OR1D2: variants seen among roughly 807,000 people sequenced by gnomAD.
OR1D2 encodes the protein olfactory receptor 1D2.
For missense variants in OR1D2, 357 were observed against 376.1 expected (o/e 0.95, Z 0.42); for synonymous variants, 157 against 153.9 (o/e 1.02, Z -0.15).
Position 3,092,565 on chromosome 17 carries a change from G to A in OR1D2, c.432C>T (p.Leu144=), listed in dbSNP as rs1427408301. 1.9e-6 allele frequency: 3 copies of A among 1,614,188 alleles called. No individual in the cohort carries two copies. Among genetic ancestry groups the A allele is most frequent in the Admixed American group, 3.3e-5 (2 of 60,024 alleles). ...CGGATAGGACCCAACACAAGGAAAG[G>A]AGTAAGATACAGAGCTTAGGGCTCA... ...TAMSPKLCIL[L]LSLCWVLSVL... The change falls in exon 2 of 2, where the codon CTC becomes CTT. Residue 144 remains leucine, a synonymous_variant. Coordinates refer to ENST00000641833, the MANE Select transcript of OR1D2 (RefSeq NM_002548.3).
chr17:3,097,788 G>A (rs992717279), intron 1 of OR1D2, among the ~76,000 whole-genome samples: 11 of 152,346 alleles, frequency 7.2e-5, no homozygotes, highest in Non-Finnish European at 1.3e-4. Flanking sequence ...CCTGGGTGGG[G>A]GAAGGGCGGC....
chr17:3,092,822 C>G lies in OR1D2; in HGVS notation c.175G>C (p.Val59Leu). 2 of 1,614,042 alleles carry G rather than the reference C, an allele frequency of 1.2e-6. No individual in the cohort carries two copies. Among genetic ancestry groups the G allele is most frequent in the Admixed American group, 3.3e-5 (2 of 60,006 alleles). ...ISSDSRLHTP[V>L]YFFLANLSFT... The stretch of plus-strand genomic sequence containing the variant: ...GAGAGGTTGGCCAGGAAGAAGTACA[C>G]GGGGGTGTGCAGGCGGGAATCAGAG... The change falls in exon 2 of 2, where the codon GTG (valine) becomes CTG (leucine). Residue 59 changes from valine to leucine, a missense_variant. Transcript: ENST00000641833.
In OR1D2 at chr17:3,092,150, T is replaced by C; in HGVS notation, c.847A>G (p.Met283Val). Residue 283 changes from methionine to valine, a missense_variant, in exon 2 of 2, where the codon ATG (methionine) becomes GTG (valine). By Grantham distance (21) the Met-to-Val change is conservative. Transcript: ENST00000641833. ...ATVMYAVVTP[M>V]MNPFIYSLRN... ...AGGCTGTAGATGAAGGGATTCATCA[T>C]GGGTGTCACCACAGCATACATCACT... 3 of 1,614,182 alleles carry C rather than the reference T, an allele frequency of 1.9e-6. No individual in the cohort carries two copies. The highest frequency in any genetic ancestry group is 1.7e-6 in the Non-Finnish European group (2 of 1,179,996).
At chr17:3,095,452 A>G (rs2047839632) in intron 1 of OR1D2, among the ~76,000 whole-genome samples, 1 of 152,138 alleles carries the variant, frequency 6.6e-6, no homozygotes, top group Admixed American at 6.5e-5. Context: ...AGATTATCTC[A>G]GGTGAACAAA....
intron 1 of OR1D2, among the ~76,000 whole-genome samples, chr17:3,095,287 G>A (rs117398660): frequency 1.6e-4 from 24 of 152,110 alleles, no homozygotes; most frequent in Non-Finnish European, 2.4e-4. Context: ...TACTTACAAA[G>A]GAAGCCTAAT....
At chr17:3,094,153 C>A (rs72808826) in intron 1 of OR1D2, among the ~76,000 whole-genome samples, 2 of 152,010 alleles carry the variant, frequency 1.3e-5, no homozygotes, top group Non-Finnish European at 1.5e-5. Context: ...GTATATTAGC[C>A]GGTAAATTCT....
At position 3,091,978 on chromosome 17, in the gene OR1D2, T is replaced by A. The variant is rs1369825217; in HGVS notation, c.*80A>T. ...TGGAGCCATGTCCCAATCACTGCTG[T>A]ATAACACACAGGACAATCCCTTACA... On this transcript the variant is annotated 3_prime_UTR_variant, in exon 2 of 2. Transcript: ENST00000641833. The A allele has an allele frequency of 9.4e-7, 1 of 1,060,080 alleles. No individual in the cohort carries two copies. The highest frequency in any genetic ancestry group is 1.6e-5 in the African/African-American group (1 of 62,758). 65.7% of individuals were successfully genotyped at this position (1,060,080 alleles called of 1,614,324 possible). A position where few individuals can be genotyped will look rare whatever the true frequency, so the allele number is the denominator to read the frequency against.
chr17:3,103,713 G>A (rs555273767), intron 1 of OR1D2, among the ~76,000 whole-genome samples: 1 of 152,088 alleles, frequency 6.6e-6, no homozygotes, highest in Non-Finnish European at 1.5e-5. Flanking sequence ...GGGGTGTGAG[G>A]GGGGAGATTG....
chr17:3,092,463 G>A lies in OR1D2; in HGVS notation c.534C>T (p.Phe178=), dbSNP rs1418537831. The A allele has an allele frequency of 6.2e-7, 1 of 1,614,162 alleles. No individual in the cohort carries two copies. The highest frequency in any genetic ancestry group is 8.5e-7 in the Non-Finnish European group (1 of 1,180,026). Residue 178 remains phenylalanine, a synonymous_variant, in exon 2 of 2, where the codon TTC becomes TTT. Coordinates refer to ENST00000641833, the MANE Select transcript of OR1D2 (RefSeq NM_002548.3). ...TCCTCAGCAATACATACATCTCACA[G>A]AAGATGTAGTGGATTTTTCGTGACC... ...FCGSRKIHYI[F]CEMYVLLRMA...
Position 3,090,569 on chromosome 17 carries a change from C to G in OR1D2, c.*1489G>C, listed in dbSNP as rs1210981455. On this transcript the variant is annotated 3_prime_UTR_variant, in exon 2 of 2. Transcript: ENST00000641833. ...TTTGCACATTTGAAGAAGCAGTCAT[C>G]TCTTTTAGTCTTTACAGGCTGGTTT... is the stretch of plus-strand genomic sequence containing the variant. The G allele has an allele frequency of 6.6e-6, 1 of 152,230 alleles. No homozygotes were observed. Among genetic ancestry groups the G allele is most frequent in the Non-Finnish European group, 1.5e-5 (1 of 68,046 alleles). The allele number at this position is 152,230 out of a possible 1,614,324, so 9.4% of individuals were successfully genotyped here. A position where few individuals can be genotyped will look rare whatever the true frequency, so the allele number is the denominator to read the frequency against.
intron 1 of OR1D2, among the ~76,000 whole-genome samples, chr17:3,094,135 G>C (rs1028317307): frequency 6.6e-6 from 1 of 152,084 alleles, no homozygotes; most frequent in African/African-American, 2.4e-5. Context: ...GATTAATTTG[G>C]GTGCACTGTA....
In OR1D2 at chr17:3,092,567, G is replaced by C. The variant is rs1309522563; in HGVS notation, c.430C>G (p.Leu144Val). The C allele has an allele frequency of 5.0e-6, 8 of 1,614,200 alleles. No homozygotes were observed. In the East Asian group the frequency reaches 1.8e-4, roughly 36 times the overall value. The change falls in exon 2 of 2, where the codon CTC becomes GTC. Residue 144 changes from leucine to valine, a missense_variant. Coordinates refer to ENST00000641833, the MANE Select transcript of OR1D2 (RefSeq NM_002548.3). ...GATAGGACCCAACACAAGGAAAGGA[G>C]TAAGATACAGAGCTTAGGGCTCATG... Reference protein sequence around the residue: ...TAMSPKLCILLLSLCWVLSVL... With the variant: ...TAMSPKLCILVLSLCWVLSVL...
intron 1 of OR1D2, among the ~76,000 whole-genome samples, chr17:3,094,875 C>T (rs2047835857): frequency 6.6e-6 from 1 of 151,902 alleles, no homozygotes; most frequent in African/African-American, 2.4e-5. Flanking sequence ...TGTACAGTAA[C>T]TGAAATGAAG....
intron 1 of OR1D2, among the ~76,000 whole-genome samples, chr17:3,093,652 A>G (rs984394133): frequency 2.0e-5 from 3 of 152,200 alleles, no homozygotes; most frequent in Non-Finnish European, 1.5e-5. Flanking sequence ...GGCAATTAGC[A>G]CTCAGAAATG....
chr17:3,097,492 TG>T (rs1322067408), intron 1 of OR1D2, among the ~76,000 whole-genome samples: 2 of 152,190 alleles, frequency 1.3e-5, no homozygotes, highest in Admixed American at 1.3e-4. Context: ...TGAGTGAGCA[TG>T]CTACCCAGCC....
intron 1 of OR1D2, among the ~76,000 whole-genome samples, chr17:3,094,323 C>A (rs899032410): frequency 9.2e-5 from 14 of 151,966 alleles, no homozygotes; most frequent in Admixed American, 9.2e-4. Context: ...CTATAGTGTG[C>A]CTTTTTTTCC....
chr17:3,104,403 C>G lies in OR1D2; in HGVS notation c.-355G>C, dbSNP rs571253004. On this transcript the variant is annotated 5_prime_UTR_variant, in exon 1 of 2. An upstream open reading frame in the 5' UTR loses its in-frame stop. Transcript: ENST00000641833. Reference sequence around the variant, plus strand: ...GAAACGGGATGAACAGGGAGCACATCAGGTCTGCTTATCCATTTTGGAGAG... The same window carrying G: ...GAAACGGGATGAACAGGGAGCACATGAGGTCTGCTTATCCATTTTGGAGAG... 30 of 152,296 alleles carry G rather than the reference C, an allele frequency of 2.0e-4. No individual in the cohort carries two copies. The highest frequency in any genetic ancestry group is 3.4e-4 in the Non-Finnish European group (23 of 68,036). The allele number at this position is 152,296 out of a possible 1,614,324, so 9.4% of individuals were successfully genotyped here.
intron 1 of OR1D2, among the ~76,000 whole-genome samples, chr17:3,094,739 C>T (rs190739789): frequency 6.6e-6 from 1 of 152,114 alleles, no homozygotes; most frequent in African/African-American, 2.4e-5. Context: ...AAAATATTTT[C>T]ACAAAACTAA....
intron 1 of OR1D2, among the ~76,000 whole-genome samples, chr17:3,099,071 A>T (rs970672777): frequency 1.3e-5 from 2 of 152,208 alleles, no homozygotes; most frequent in African/African-American, 4.8e-5. Context: ...CCTGAAGGAG[A>T]CAGGGAGAAT....
Sources: allele counts gnomAD v4.1 joint callset (sites outside exome capture counted in the v4.1 genomes callset), GRCh38; gene constraint gnomAD v4.1.1; transcripts MANE v1.5; gene names NCBI Gene and HGNC (gene_info 2026-07-23, HGNC 2026-07-21).